The following SLCO1B3 variants were observed in gnomAD, a reference collection of about 807,000 sequenced individuals.
SLCO1B3 encodes the protein liver-specific organic anion transporter 2.
SLCO1B3 carries 72 observed loss-of-function variants against 71.8 expected under a neutral mutation model. That is an observed-to-expected ratio of 1.00 (90% CI 0.83 to 1.22). SLCO1B3 has a LOEUF of 1.22. Ranked by LOEUF, SLCO1B3 falls within the 50% of genes most tolerant of loss-of-function variation. SLCO1B3 has a pLI of 0.00. For missense variants in SLCO1B3, 911 were observed against 819.7 expected (o/e 1.11, Z -1.36); for synonymous variants, 298 against 278.4 (o/e 1.07, Z -0.70).
At chr12:20,890,727 G>A (rs569511829) in intron 13 of SLCO1B3, among the ~76,000 whole-genome samples, 3 of 152,106 alleles carry the variant, frequency 2.0e-5, no homozygotes, top group African/African-American at 7.2e-5. Flanking sequence ...GTTTGGAATT[G>A]TTATATCTTC....
At chr12:20,882,964 G>A (rs1865720574) in intron 12 of SLCO1B3, among the ~76,000 whole-genome samples, 1 of 152,068 alleles carries the variant, frequency 6.6e-6, no homozygotes, top group African/African-American at 2.4e-5. Flanking sequence ...CTTGAATGTT[G>A]CTTTTGCCTG....
intron 3 of SLCO1B3, among the ~76,000 whole-genome samples, chr12:20,835,816 A>T (rs552249450): frequency 7.4e-4 from 113 of 152,252 alleles, no homozygotes; most frequent in African/African-American, 2.6e-3. Flanking sequence ...ACTTCTGCCC[A>T]TTACCCAGTT....
intron 2 of SLCO1B3, among the ~76,000 whole-genome samples, chr12:20,814,616 C>T (rs576543672): frequency 2.6e-5 from 4 of 152,122 alleles, no homozygotes; most frequent in South Asian, 4.2e-4. Flanking sequence ...TAAGGCTGGG[C>T]GCGGTGGTTC....
At chr12:20,906,309 C>A (rs1159290867) in intron 15 of SLCO1B3, among the ~76,000 whole-genome samples, 2 of 152,076 alleles carry the variant, frequency 1.3e-5, no homozygotes, top group African/African-American at 4.8e-5. Context: ...AAACAATGGG[C>A]AACAAAATCA....
chr12:20,811,190 T>G (rs1864105162), intron 1 of SLCO1B3, among the ~76,000 whole-genome samples: 1 of 152,024 alleles, frequency 6.6e-6, no homozygotes, highest in African/African-American at 2.4e-5. Flanking sequence ...AGTGGGCGGG[T>G]GGAGGGGTGG....
chr12:20,879,750 T>C (rs768003031), intron 11 of SLCO1B3, 119 bp downstream of exon 11: 9 of 713,574 alleles, frequency 1.3e-5, no homozygotes, highest in Non-Finnish European at 1.9e-5. Flanking sequence ...TTGAGAGAAA[T>C]TTCAATTTTC....
Position 20,862,429 on chromosome 12 carries a change from G to C in SLCO1B3, c.499G>C (p.Gly167Arg). The part of the protein sequence containing the change: ...IVEKDCVKES[G>R]SHMWIYVFMG... Reference sequence around the variant, plus strand: ...CTCGATAGATTGTGTAAAGGAATCTGGGTCACACATGTGGATCTATGTCTT... The same window carrying C: ...CTCGATAGATTGTGTAAAGGAATCTCGGTCACACATGTGGATCTATGTCTT... Residue 167 changes from glycine (G) to arginine (R), a missense_variant, in exon 7 of 16, where the codon GGG becomes CGG. Physicochemically the swap from Gly to Arg is moderately radical, Grantham distance 125. Coordinates refer to ENST00000381545, the MANE Select transcript of SLCO1B3 (RefSeq NM_019844.4). 1 of 1,612,002 alleles carries C rather than the reference G, an allele frequency of 6.2e-7. No individual in the cohort carries two copies. The highest frequency in any genetic ancestry group is 8.5e-7 in the Non-Finnish European group (1 of 1,179,122).
chr12:20,871,374 G>A (rs1865472353), intron 8 of SLCO1B3, among the ~76,000 whole-genome samples: 1 of 152,122 alleles, frequency 6.6e-6, no homozygotes, highest in East Asian at 1.9e-4. Context: ...CTGTTTGAAA[G>A]ATTACATATG....
rs770964385 is a variant in SLCO1B3, at chr12:20,815,692, G to T, written c.-47G>T. 1 of 1,224,916 alleles carries T rather than the reference G, an allele frequency of 8.2e-7. No individual in the cohort carries two copies. The highest frequency in any genetic ancestry group is 1.2e-6 in the Non-Finnish European group (1 of 840,740). The allele number at this position is 1,224,916 out of a possible 1,614,324, so 75.9% of individuals were successfully genotyped here. A position where few individuals can be genotyped will look rare whatever the true frequency, so the allele number is the denominator to read the frequency against. ...TTAACAGGTGATCATTTCAAACCAA[G>T]CATCAGCAACAATTAAAAATATTCA... On this transcript the variant is annotated 5_prime_UTR_variant, in exon 3 of 16. Transcript: ENST00000381545.
intron 8 of SLCO1B3, among the ~76,000 whole-genome samples, chr12:20,865,954 G>A (rs865968733): frequency 5.9e-5 from 9 of 152,042 alleles, no homozygotes; most frequent in Middle Eastern, 3.2e-3. Flanking sequence ...AAGCTCAAGT[G>A]TTGAGAGTAT....
intron 15 of SLCO1B3, among the ~76,000 whole-genome samples, chr12:20,909,332 ATT>A (rs36075263): frequency 7.2e-6 from 1 of 138,836 alleles, no homozygotes; most frequent in African/African-American, 2.7e-5. Flanking sequence ...CGCCTGGCTA[ATT>A]TTTTTTTTTT....
At chr12:20,906,275 C>G (rs993630327) in intron 15 of SLCO1B3, among the ~76,000 whole-genome samples, 6 of 152,170 alleles carry the variant, frequency 3.9e-5, no homozygotes, top group South Asian at 2.1e-4. Context: ...ATAATTTTAA[C>G]TGCGTGATCT....
At chr12:20,908,654 A>G (rs572917286) in intron 15 of SLCO1B3, among the ~76,000 whole-genome samples, 2 of 152,286 alleles carry the variant, frequency 1.3e-5, no homozygotes, top group African/African-American at 4.8e-5. Flanking sequence ...GCCTTTTCAG[A>G]GTAGCTTCTT....
intron 15 of SLCO1B3, among the ~76,000 whole-genome samples, chr12:20,915,717 T>C (rs1327162566): frequency 6.6e-6 from 1 of 152,130 alleles, no homozygotes; most frequent in Non-Finnish European, 1.5e-5. Context: ...CTCCCACTCC[T>C]TAGGTAGAAT....
intron 8 of SLCO1B3, among the ~76,000 whole-genome samples, chr12:20,871,716 A>G (rs987490935): frequency 1.3e-5 from 2 of 152,050 alleles, no homozygotes; most frequent in African/African-American, 2.4e-5. Flanking sequence ...GCTTTCTCCA[A>G]AGCAAATGTA....
At chr12:20,821,343 C>T (rs1053631540) in intron 3 of SLCO1B3, among the ~76,000 whole-genome samples, 9 of 151,942 alleles carry the variant, frequency 5.9e-5, no homozygotes, top group Admixed American at 2.6e-4. Flanking sequence ...TGGGGTCAAG[C>T]GGCATTGCAG....
At position 20,817,619 on chromosome 12, in the gene SLCO1B3, G is replaced by A. The variant is rs1185697129; in HGVS notation, c.84+1797G>A. Among the ~76,000 whole-genome samples, 4 of 151,766 alleles carry A rather than the reference G, an allele frequency of 2.6e-5. No homozygotes were observed. In the East Asian group the frequency reaches 5.8e-4, roughly 22 times the overall value. On this transcript the variant is annotated intron_variant, in intron 3 of 15. Transcript: ENST00000381545. ...TAATTTTTTTTTGAGATGGAGTCTC[G>A]CTCTGTCACCCAGGCTGGAGTGCAG...
intron 3 of SLCO1B3, among the ~76,000 whole-genome samples, chr12:20,819,669 G>A (rs1375066021): frequency 6.6e-6 from 1 of 152,178 alleles, no homozygotes; most frequent in Non-Finnish European, 1.5e-5. Context: ...GAATTGTAAG[G>A]AGAGTTTATA....
At position 20,898,485 on chromosome 12, in the gene SLCO1B3, G is replaced by C; in HGVS notation, c.1732G>C (p.Val578Leu). ...KALAMGFQSM[V>L]IRTLGGILAP... ...ACTTGCAATGGGTTTCCAGTCAATG[G>C]TTATAAGAACACTAGGTATGACAAA... is the stretch of plus-strand genomic sequence containing the variant. The change falls in exon 14 of 16, where the codon GTT (valine) becomes CTT (leucine). Residue 578 changes from valine to leucine, a missense_variant. Physicochemically the swap from Val to Leu is conservative, Grantham distance 32 (BLOSUM62 1). Transcript: ENST00000381545. 6.3e-7 allele frequency: 1 copy of C among 1,574,838 alleles called. No homozygotes were observed. Among genetic ancestry groups the C allele is most frequent in the Middle Eastern group, 2.0e-4 (1 of 5,022 alleles).
Sources: gnomAD v4.1 joint callset for allele counts (sites outside exome capture counted in the v4.1 genomes callset) on GRCh38, gnomAD v4.1.1 for gene constraint, MANE v1.5 for transcripts, NCBI Gene and HGNC (gene_info 2026-07-23, HGNC 2026-07-21) for gene names.